Variants in DYNLL1 observed in about 807,000 individuals in gnomAD.
DYNLL1 encodes the protein dynein light chain 1, cytoplasmic.
DYNLL1 carries 3 observed loss-of-function variants against 10.1 expected under a neutral mutation model. That is an observed-to-expected ratio of 0.30 (90% confidence interval 0.14 to 0.77). DYNLL1 has a LOEUF of 0.77. Among genes scored for constraint, DYNLL1 ranks in the 30% least tolerant of loss-of-function variants. DYNLL1 has a pLI of 0.66. For missense variants in DYNLL1, 47 were observed against 111.7 expected, an observed-to-expected ratio of 0.42 and a Z score of 2.61; for synonymous variants, 46 against 41.2, an observed-to-expected ratio of 1.12 and a Z score of -0.45.
upstream of DYNLL1, chr12:120,491,937 C>T (rs1049490720): frequency 2.0e-5 from 3 of 152,334 alleles, no homozygotes; most frequent in East Asian, 5.8e-4. Flanking sequence ...TTAGTGTCTC[C>T]AGCGACATTA....
intron 1 of DYNLL1, among the ~76,000 whole-genome samples, chr12:120,479,468 A>AAAT (rs758249930): frequency 0.023 from 2,511 of 109,192 alleles, 60 homozygotes; most frequent in Non-Finnish European, 0.036. Context: ...AAAAAAAAAA[A>AAAT]AATAATAATA....
At position 120,496,543 on chromosome 12, in the gene DYNLL1, A is replaced by T; in HGVS notation, c.122A>T (p.His41Leu). 6.2e-7 allele frequency: 1 copy of T among 1,614,146 alleles called. No homozygotes were observed. The highest frequency in any genetic ancestry group is 1.1e-5 in the South Asian group (1 of 91,082). Residue 41 changes from histidine to leucine, a missense_variant, in exon 2 of 3, where the codon CAT (histidine) becomes CTT (leucine). Transcript: ENST00000242577. ...AACATAGAGAAGGACATTGCGGCTC[A>T]TATCAAGAAGGTGAGGATGGGCGCG... ...KYNIEKDIAA[H>L]IKKEFDKKYN...
chr12:120,480,577 T>C (rs888749766), intron 1 of DYNLL1, among the ~76,000 whole-genome samples: 4 of 152,154 alleles, frequency 2.6e-5, no homozygotes, highest in Non-Finnish European at 4.4e-5. Context: ...CCCTGGACAC[T>C]GTTTTGCTCC....
At chr12:120,497,235 G>A (rs946464564) in intron 2 of DYNLL1, 4 of 153,758 alleles carry the variant, frequency 2.6e-5, no homozygotes, top group African/African-American at 9.6e-5. Flanking sequence ...CGTGCAGTTA[G>A]AGTAGCTAAA....
At chr12:120,492,842 C>T (rs1879168205), upstream of DYNLL1, among the ~76,000 whole-genome samples, 2 of 151,900 alleles carry the variant, frequency 1.3e-5, no homozygotes, top group Admixed American at 1.3e-4. This position sits in a 1 kb window ranked among gnomAD's most constrained non-coding sequence, Gnocchi z 4.1. Context: ...TTCAGGGGGA[C>T]CTGGTGAAGG....
intron 1 of DYNLL1, among the ~76,000 whole-genome samples, chr12:120,478,096 G>T (rs1314658622): frequency 7.5e-6 from 1 of 133,944 alleles, no homozygotes; most frequent in Non-Finnish European, 1.6e-5. Flanking sequence ...CCGGCCAAAA[G>T]TTTTTTTTTT....
intron 1 of DYNLL1, among the ~76,000 whole-genome samples, chr12:120,477,993 T>C (rs1878793768): frequency 6.6e-6 from 1 of 151,824 alleles, no homozygotes; most frequent in Non-Finnish European, 1.5e-5. Context: ...GGTTAAGCCA[T>C]GTTGGCCAGG....
intron 1 of DYNLL1, among the ~76,000 whole-genome samples, chr12:120,478,622 C>T (rs1417710038): frequency 3.3e-5 from 5 of 149,828 alleles, no homozygotes; most frequent in African/African-American, 4.9e-5. Context: ...GAGGCTGAGG[C>T]GGGCAGATCA....
chr12:120,493,189 G>T (rs1160531504), upstream of DYNLL1, among the ~76,000 whole-genome samples: 1 of 152,050 alleles, frequency 6.6e-6, no homozygotes. Flanking sequence ...TTCTATTTAT[G>T]GCCAATGAGA....
At chr12:120,488,563 G>A (rs565963954) in intron 1 of DYNLL1, 1 of 152,244 alleles carries the variant, frequency 6.6e-6, no homozygotes, top group Admixed American at 6.6e-5. Flanking sequence ...TTCCTTTCAT[G>A]TCCCTTGTGC....
At chr12:120,484,279 TTAGA>T (rs1198250997) in intron 1 of DYNLL1, among the ~76,000 whole-genome samples, 2 of 135,508 alleles carry the variant, frequency 1.5e-5, no homozygotes, top group Middle Eastern at 4.2e-3. Context: ...GGAGATGGCC[TTAGA>T]TAGGAGCATG....
rs541566924 is a variant in DYNLL1 at position 120,475,209 on chromosome 12, TTTC to T, written c.-7+5108_-7+5110del. On this transcript the variant is annotated intron_variant, in intron 1 of 2. Transcript: ENST00000392509. ...TAACTTTTAGATAATGAACTGGTGT[TTTC>T]TTTGAATATGCCCAAACAGGTGGGA... Among the ~76,000 whole-genome samples, 18 of 152,350 alleles carry T rather than the reference TTTC, an allele frequency of 1.2e-4. No homozygotes were observed. In the East Asian group the frequency reaches 3.3e-3, roughly 28 times the overall value.
intron 1 of DYNLL1, among the ~76,000 whole-genome samples, chr12:120,483,982 C>T (rs1033640223): frequency 3.9e-4 from 59 of 152,016 alleles, no homozygotes; most frequent in African/African-American, 1.4e-3. Flanking sequence ...TGTTTAGCAG[C>T]ATGGTGGTCA....
At chr12:120,484,992 G>A (rs1878960576) in intron 1 of DYNLL1, among the ~76,000 whole-genome samples, 1 of 152,124 alleles carries the variant, frequency 6.6e-6, no homozygotes, top group South Asian at 2.1e-4. Flanking sequence ...CAACCACCTG[G>A]GCCTCCCAAA....
intron 2 of DYNLL1, 145 bp downstream of exon 2, chr12:120,496,698 A>G: frequency 2.2e-6 from 3 of 1,336,262 alleles, no homozygotes; most frequent in South Asian, 2.6e-5. Context: ...ACGCAGATGC[A>G]TTTTGCGCTC....
rs549029446 is a variant in DYNLL1 at position 120,498,165 on chromosome 12, C to T, written c.225C>T (p.Tyr75=). Residue 75 remains tyrosine (Y), a synonymous_variant, in exon 3 of 3, where the codon TAC becomes TAT. Coordinates refer to ENST00000242577, the MANE Select transcript of DYNLL1 (RefSeq NM_003746.3). The stretch of plus-strand genomic sequence containing the variant: ...CACATGAAACCAAACACTTCATCTA[C>T]TTCTACCTGGGCCAAGTGGCCATTC... ...YVTHETKHFI[Y]FYLGQVAILL... 131 of 1,614,012 alleles carry T rather than the reference C, an allele frequency of 8.1e-5. No individual in the cohort carries two copies. In the Admixed American group the frequency reaches 1.3e-3, roughly 16 times the overall value.
intron 1 of DYNLL1, among the ~76,000 whole-genome samples, chr12:120,482,040 G>A (rs1878890472): frequency 6.6e-6 from 1 of 152,076 alleles, no homozygotes; most frequent in African/African-American, 2.4e-5. Flanking sequence ...TCTTTCGTCT[G>A]TTTAATTCAC....
chr12:120,497,829 C>T, intron 2 of DYNLL1: 1 of 509,766 alleles, frequency 2.0e-6, no homozygotes, highest in South Asian at 2.6e-5. Flanking sequence ...AACACCCTGT[C>T]TTTAGGGCTG....
intron 1 of DYNLL1, among the ~76,000 whole-genome samples, chr12:120,482,562 T>G (rs1878905311): frequency 6.6e-6 from 1 of 152,028 alleles, no homozygotes; most frequent in African/African-American, 2.4e-5. Flanking sequence ...GACCTTGTGA[T>G]CCGCCTGCCT....
Sources: gnomAD v4.1 joint callset for allele counts (sites outside exome capture counted in the v4.1 genomes callset) on GRCh38, gnomAD v4.1.1 for gene constraint, Gnocchi (gnomAD v3.1) non-coding constraint, MANE v1.5 for transcripts, NCBI Gene and HGNC (gene_info 2026-07-23, HGNC 2026-07-21) for gene names.